Variants in HNRNPH3 observed in about 807,000 individuals in gnomAD.
HNRNPH3 encodes the protein heterogeneous nuclear ribonucleoprotein H3, also known as heterogeneous nuclear ribonucleoprotein 2H9.
A neutral mutation model predicts 47.0 loss-of-function variants in HNRNPH3; 7 were observed. The ratio of observed to expected loss-of-function variants is 0.15; its 90% CI spans 0.08 to 0.28. The LOEUF (loss-of-function observed/expected upper bound fraction) is 0.28, where lower values mean the gene tolerates loss of function less well. Among genes scored for constraint, HNRNPH3 ranks in the 10% least tolerant of loss-of-function variants. HNRNPH3 has a pLI of 1.00. For synonymous variants in HNRNPH3, 120 were observed against 143.2 expected (o/e 0.84, Z 1.16); for missense variants, 279 against 449.6 (o/e 0.62, Z 3.43).
At chr10:68,334,324 TTATG>T (rs1206691045) in intron 1 of HNRNPH3, among the ~76,000 whole-genome samples, 1 of 152,358 alleles carries the variant, frequency 6.6e-6, no homozygotes, top group African/African-American at 2.4e-5. Context: ...GTAAAATCCT[TTATG>T]TATTACTTCA....
chr10:68,338,851 A>G, intron 4 of HNRNPH3, 164 bp downstream of exon 4: 1 of 555,718 alleles, frequency 1.8e-6, no homozygotes, highest in East Asian at 3.1e-5. Context: ...TGACTGATGC[A>G]CATATTGGCA....
Position 68,341,883 on chromosome 10 carries a change from C to T in HNRNPH3, c.964+32C>T, listed in dbSNP as rs1010778738. ...ATCTCTAGTTCAGTTTGTGTTAGTCCGCATATGTAGTGCAAACTTTAAAGT... is the reference window on the plus strand; with the variant it reads ...ATCTCTAGTTCAGTTTGTGTTAGTCTGCATATGTAGTGCAAACTTTAAAGT... On this transcript the variant is annotated intron_variant, in intron 9 of 9. Transcript: ENST00000265866. The T allele has an allele frequency of 5.5e-5, 88 of 1,590,574 alleles. No homozygotes were observed. In the Admixed American group the frequency reaches 8.5e-4, roughly 15 times the overall value.
Position 68,337,142 on chromosome 10 carries a change from C to G in HNRNPH3, c.-23-57C>G. The G allele has an allele frequency of 1.2e-6, 1 of 811,434 alleles. No individual in the cohort carries two copies. Among genetic ancestry groups the G allele is most frequent in the Non-Finnish European group, 2.1e-6 (1 of 487,614 alleles). 50.3% of individuals were successfully genotyped at this position (811,434 alleles called of 1,614,324 possible). On this transcript the variant is annotated intron_variant, in intron 1 of 9. Coordinates refer to ENST00000265866, the MANE Select transcript of HNRNPH3 (RefSeq NM_012207.3). The surrounding 1 kb of genome is among the most constrained non-coding windows in gnomAD (Gnocchi z 4.5). ...CCTCTGAGAGGTGTTTCTTCATTAC[C>G]TCTTGACAAGAGTATATTTTGATTG...
chr10:68,340,598 A>G (rs1162757), intron 6 of HNRNPH3, among the ~76,000 whole-genome samples: 112,201 of 152,102 alleles, frequency 0.74, 43,187 homozygotes, highest in Non-Finnish European at 0.85. Context: ...CTCTGGCTTT[A>G]AAAGCAATGG....
Position 68,342,130 on chromosome 10 carries a change from T to A in HNRNPH3, c.*76T>A. On this transcript the variant is annotated 3_prime_UTR_variant, in exon 10 of 10. Transcript: ENST00000265866. ...ACTTTCTTACAGATTTAATTTCTTT[T>A]GTATTTTAAGAACTTTATAATGACT... is the stretch of plus-strand genomic sequence containing the variant. The A allele has an allele frequency of 9.4e-7, 1 of 1,062,708 alleles. No homozygotes were observed. Among genetic ancestry groups the A allele is most frequent in the Non-Finnish European group, 1.3e-6 (1 of 744,506 alleles). 65.8% of individuals were successfully genotyped at this position (1,062,708 alleles called of 1,614,324 possible). A position where few individuals can be genotyped will look rare whatever the true frequency, so the allele number is the denominator to read the frequency against.
chr10:68,341,711 A>G, intron 8 of HNRNPH3, 31 bp downstream of exon 8: 2 of 1,582,358 alleles, frequency 1.3e-6, no homozygotes, highest in Non-Finnish European at 1.7e-6. Flanking sequence ...ATGCAGGGTT[A>G]GCTGCTTATC....
intron 3 of HNRNPH3, 37 bp downstream of exon 3, chr10:68,338,033 A>G: frequency 6.6e-7 from 1 of 1,524,182 alleles, no homozygotes; most frequent in Non-Finnish European, 8.9e-7. Context: ...TTAAATTTTT[A>G]TTTTTGGGGG....
At chr10:68,340,968 A>G (rs1589723331) in intron 6 of HNRNPH3, 2 of 438,574 alleles carry the variant, frequency 4.6e-6, no homozygotes, top group South Asian at 7.0e-5. Flanking sequence ...CGCCCTGCCT[A>G]TCTGCTTATT....
At chr10:68,335,962 T>C (rs2045525084) in intron 1 of HNRNPH3, among the ~76,000 whole-genome samples, 1 of 152,216 alleles carries the variant, frequency 6.6e-6, no homozygotes, top group South Asian at 2.1e-4. Context: ...CTGAAGGTGA[T>C]TGACACTAGA....
chr10:68,341,200 A>C lies in HNRNPH3; in HGVS notation c.666A>C (p.Arg222=). The C allele has an allele frequency of 6.3e-7, 1 of 1,587,748 alleles. No individual in the cohort carries two copies. The highest frequency in any genetic ancestry group is 8.5e-7 in the Non-Finnish European group (1 of 1,171,374). The change falls in exon 7 of 10, where the codon CGA becomes CGC. Residue 222 remains arginine, a synonymous_variant. Coordinates refer to ENST00000265866, the MANE Select transcript of HNRNPH3 (RefSeq NM_012207.3). ...TCTTCTCACCACTAAATCCAATACG[A>C]GTTCATATTGATATTGGAGCTGATG... is the stretch of plus-strand genomic sequence containing the variant. ...ANFFSPLNPI[R]VHIDIGADGR... is the part of the protein sequence containing the mutation.
chr10:68,335,948 A>AG (rs1244065014), intron 1 of HNRNPH3, among the ~76,000 whole-genome samples: 2 of 152,220 alleles, frequency 1.3e-5, no homozygotes, highest in Non-Finnish European at 2.9e-5. Context: ...AGTGGCACCT[A>AG]GGGCTGAAGG....
chr10:68,341,066 C>T, intron 6 of HNRNPH3, 108 bp from the exon 7 acceptor site: 1 of 696,588 alleles, frequency 1.4e-6, no homozygotes, highest in Non-Finnish European at 2.4e-6. Context: ...ATTAGTCTGA[C>T]AGGGCAGTGG....
chr10:68,332,376 C>T (rs1156750721), intron 1 of HNRNPH3, 160 bp downstream of exon 1: 3 of 152,234 alleles, frequency 2.0e-5, no homozygotes, highest in Admixed American at 1.3e-4. Flanking sequence ...CCGACCATCT[C>T]CCACTTCAGG....
At chr10:68,339,897 G>C (rs142707289) in intron 6 of HNRNPH3, among the ~76,000 whole-genome samples, 1 of 152,258 alleles carries the variant, frequency 6.6e-6, no homozygotes, top group East Asian at 1.9e-4. Flanking sequence ...TATCCATTGT[G>C]TGTCAACCTA....
At position 68,341,975 on chromosome 10, in the gene HNRNPH3, A is replaced by G; in HGVS notation, c.965-3A>G. ...GAGTGATTCTTAATATCTTTTTCTT[A>G]AGGCCGTGGTGGTGGAGGCAGTGGA... On this transcript the variant is annotated splice_region_variant and splice_polypyrimidine_tract_variant and intron_variant, in intron 9 of 9. Transcript: ENST00000265866. 1 of 1,613,610 alleles carries G rather than the reference A, an allele frequency of 6.2e-7. No homozygotes were observed. Among genetic ancestry groups the G allele is most frequent in the East Asian group, 2.2e-5 (1 of 44,872 alleles).
Position 68,337,929 on chromosome 10 carries a change from G to T in HNRNPH3, c.184G>T (p.Val62Leu). 1 of 1,613,616 alleles carries T rather than the reference G, an allele frequency of 6.2e-7. No individual in the cohort carries two copies. Among genetic ancestry groups the T allele is most frequent in the Non-Finnish European group, 8.5e-7 (1 of 1,179,592 alleles). ...YQGRSTGEAF[V>L]QFASKEIAEN... The stretch of plus-strand genomic sequence containing the variant: ...GGGGAGAAGCACAGGGGAGGCCTTC[G>T]TGCAGTTTGCTTCAAAGGAGATAGC... Residue 62 changes from valine to leucine, a missense_variant, in exon 3 of 10, where the codon GTG becomes TTG. Physicochemically the swap from Val to Leu is conservative, Grantham distance 32 (BLOSUM62 1). Transcript: ENST00000265866. This position sits in a 1 kb window ranked among gnomAD's most constrained non-coding sequence, Gnocchi z 4.5.
Position 68,337,410 on chromosome 10 carries a change from A to C in HNRNPH3, c.112+77A>C. On this transcript the variant is annotated intron_variant, in intron 2 of 9. Coordinates refer to ENST00000265866, the MANE Select transcript of HNRNPH3 (RefSeq NM_012207.3). This position sits in a 1 kb window ranked among gnomAD's most constrained non-coding sequence, Gnocchi z 4.5. Reference sequence around the variant, plus strand: ...TTGTTTTACTGTTTTTAATTTGTAAAACCCATTTGATTTTGGAACTTTTAA... The same window carrying C: ...TTGTTTTACTGTTTTTAATTTGTAACACCCATTTGATTTTGGAACTTTTAA... 1.1e-6 allele frequency: 1 copy of C among 934,512 alleles called. No homozygotes were observed. Among genetic ancestry groups the C allele is most frequent in the Non-Finnish European group, 1.7e-6 (1 of 597,878 alleles). 57.9% of individuals were successfully genotyped at this position (934,512 alleles called of 1,614,324 possible).
intron 6 of HNRNPH3, among the ~76,000 whole-genome samples, chr10:68,339,824 G>T (rs1044456594): frequency 6.6e-6 from 1 of 151,730 alleles, no homozygotes; most frequent in East Asian, 1.9e-4. Flanking sequence ...AACTATAGGT[G>T]CCCGCCACCA....
chr10:68,340,469 T>C (rs2045835158), intron 6 of HNRNPH3, among the ~76,000 whole-genome samples: 2 of 152,208 alleles, frequency 1.3e-5, no homozygotes. Context: ...CTGGTTGGTT[T>C]CAGATTTGTT....
Sources: gnomAD v4.1 joint callset for allele counts (sites outside exome capture counted in the v4.1 genomes callset) on GRCh38, gnomAD v4.1.1 for gene constraint, Gnocchi (gnomAD v3.1) non-coding constraint, MANE v1.5 for transcripts, NCBI Gene and HGNC (gene_info 2026-07-23, HGNC 2026-07-21) for gene names.